The following RGS18 variants were observed in gnomAD, a reference collection of about 807,000 sequenced individuals.
The protein encoded by RGS18 is regulator of G-protein signaling 18.
RGS18 carries 22 observed loss-of-function variants against 27.6 expected under a neutral mutation model. That is an observed-to-expected ratio of 0.80 (90% CI 0.57 to 1.14). The LOEUF (loss-of-function observed/expected upper bound fraction) is 1.14, where lower values mean the gene tolerates loss of function less well. RGS18 is among the 50% of genes most tolerant of loss of function. The pLI is 0.00. For synonymous variants in RGS18, 89 were observed against 84.6 expected (o/e 1.05, Z -0.29); for missense variants, 299 against 269.6 (o/e 1.11, Z -0.76).
chr1:192,181,396 C>A lies in RGS18; in HGVS notation c.388C>A (p.Gln130Lys). Reference sequence around the variant, plus strand: ...TTTCAAGAAAAGCAAGGGACCTCAACAAATTCACCTTAAAGCAAAAGCAAT... The same window carrying A: ...TTTCAAGAAAAGCAAGGGACCTCAAAAAATTCACCTTAAAGCAAAAGCAAT... ...EDFKKSKGPQ[Q>K]IHLKAKAIYE... The change falls in exon 4 of 5, where the codon CAA (glutamine) becomes AAA (lysine). Residue 130 changes from glutamine (Q) to lysine (K), a missense_variant. By Grantham distance (53) the Gln-to-Lys change is moderately conservative. Transcript: ENST00000367460. 6.3e-7 allele frequency: 1 copy of A among 1,593,072 alleles called. No individual in the cohort carries two copies. Among genetic ancestry groups the A allele is most frequent in the Non-Finnish European group, 8.5e-7 (1 of 1,170,768 alleles).
At chr1:192,170,068 C>A (rs985430505) in intron 3 of RGS18, among the ~76,000 whole-genome samples, 1 of 152,158 alleles carries the variant, frequency 6.6e-6, no homozygotes, top group African/African-American at 2.4e-5. Flanking sequence ...GCAGAGGCTA[C>A]GGCTAACTGC....
rs144367688 is a variant in RGS18, at chr1:192,176,826, A to G, written c.284-4466A>G. On this transcript the variant is annotated intron_variant, in intron 3 of 4. Transcript: ENST00000367460. ...AGTAAGGAATACATTATATGTTTCAATAACTCATAGTGATATCCAACAGAG... is the reference window on the plus strand; with the variant it reads ...AGTAAGGAATACATTATATGTTTCAGTAACTCATAGTGATATCCAACAGAG... 2.2e-3 allele frequency among the ~76,000 whole-genome samples: 332 copies of G among 151,932 alleles called. 3 individuals are homozygous for G. Among genetic ancestry groups the G allele is most frequent in the African/African-American group, 7.3e-3 (305 of 41,530 alleles).
rs537896630 is a variant in RGS18 at position 192,184,828 on chromosome 1, T to A, written c.*274T>A. 3.0e-6 allele frequency: 1 copy of A among 333,098 alleles called. No individual in the cohort carries two copies. Among genetic ancestry groups the A allele is most frequent in the East Asian group, 5.6e-5 (1 of 17,780 alleles). The allele number at this position is 333,098 out of a possible 1,614,324, so 20.6% of individuals were successfully genotyped here. A position where few individuals can be genotyped will look rare whatever the true frequency, so the allele number is the denominator to read the frequency against. On this transcript the variant is annotated 3_prime_UTR_variant, in exon 5 of 5. Coordinates refer to ENST00000367460, the MANE Select transcript of RGS18 (RefSeq NM_130782.3). ...CAGTACAAAAAAAGTAATAATGTTT[T>A]ATAAGATTGTAGAGTTAAGTAAAAG...
intron 2 of RGS18, 50 bp downstream of exon 2, chr1:192,159,371 A>G: frequency 7.9e-7 from 1 of 1,262,768 alleles, no homozygotes; most frequent in Non-Finnish European, 1.2e-6. Context: ...TTCTATCATT[A>G]AAGATTTAAG....
chr1:192,172,886 T>TATATATATAA (rs1553229393), intron 3 of RGS18, among the ~76,000 whole-genome samples: 30 of 144,098 alleles, frequency 2.1e-4, no homozygotes, highest in African/African-American at 7.1e-4. Context: ...TATATATAAA[T>TATATATATAA]ATATATATAT....
rs1164501546 is a variant in RGS18, at chr1:192,181,448, C to T, written c.440C>T (p.Ala147Val). Reference sequence around the variant, plus strand: ...TATGAGAAATTTATACAGACTGATGCCCCAAAAGAGGTACAGTAAAGATAA... The same window carrying T: ...TATGAGAAATTTATACAGACTGATGTCCCAAAAGAGGTACAGTAAAGATAA... Reference protein sequence around the residue: ...AIYEKFIQTDAPKEVNLDFHT... With the variant: ...AIYEKFIQTDVPKEVNLDFHT... Residue 147 changes from alanine to valine, a missense_variant, in exon 4 of 5, where the codon GCC becomes GTC. Physicochemically the swap from Ala to Val is moderately conservative, Grantham distance 64. Transcript: ENST00000367460. 1.3e-6 allele frequency: 2 copies of T among 1,542,440 alleles called. No individual in the cohort carries two copies. Among genetic ancestry groups the T allele is most frequent in the East Asian group, 2.4e-5 (1 of 41,284 alleles).
At chr1:192,180,565 A>G (rs1358117129) in intron 3 of RGS18, among the ~76,000 whole-genome samples, 1 of 151,644 alleles carries the variant, frequency 6.6e-6, no homozygotes. Flanking sequence ...ACTTTAAAAT[A>G]TATATGCTAG....
Position 192,184,269 on chromosome 1 carries a change from T to C in RGS18, c.451-28T>C, listed in dbSNP as rs199607286. 2.9e-5 allele frequency: 46 copies of C among 1,594,712 alleles called. 1 individual carries two copies. The highest frequency in any genetic ancestry group is 1.7e-4 in the Middle Eastern group (1 of 5,996). On this transcript the variant is annotated intron_variant, in intron 4 of 4. Transcript: ENST00000367460. ...GTTGTTTATATAAGCATATTAACTA[T>C]AATCACACTTTTTTTCTGTTTATCC...
chr1:192,161,777 T>G (rs1656077870), intron 3 of RGS18, among the ~76,000 whole-genome samples: 1 of 152,188 alleles, frequency 6.6e-6, no homozygotes, highest in Non-Finnish European at 1.5e-5. Context: ...GCCAGGACAG[T>G]TGGGAGTGGA....
At chr1:192,160,061 T>A (rs187153329) in intron 2 of RGS18, among the ~76,000 whole-genome samples, 1 of 152,234 alleles carries the variant, frequency 6.6e-6, no homozygotes, top group Admixed American at 6.5e-5. Flanking sequence ...AACAGATAGT[T>A]GACCTGATTT....
At position 192,184,403 on chromosome 1, in the gene RGS18, A is replaced by AAGACAGT. The variant is rs1656508661; in HGVS notation, c.558_564dup (p.Tyr189ArgfsTer10). 1.2e-6 allele frequency: 2 copies of AAGACAGT among 1,611,786 alleles called. No individual in the cohort carries two copies. The highest frequency in any genetic ancestry group is 1.3e-5 in the African/African-American group (1 of 74,704). ...AGCAGAGTGTATCAGCTCATGGAAC[A>AAGACAGT]AGACAGTTATACACGTTTTCTGAAA... is the stretch of plus-strand genomic sequence containing the variant. On this transcript the variant is annotated frameshift_variant, in exon 5 of 5. Transcript: ENST00000367460. LOFTEE classifies it high-confidence loss of function.
At chr1:192,183,691 A>G (rs895232540) in intron 4 of RGS18, among the ~76,000 whole-genome samples, 1 of 151,630 alleles carries the variant, frequency 6.6e-6, no homozygotes, top group Non-Finnish European at 1.5e-5. Context: ...AAACAACCCA[A>G]TTGTTTACTA....
intron 3 of RGS18, among the ~76,000 whole-genome samples, chr1:192,176,566 A>G (rs1029649033): frequency 1.3e-5 from 2 of 151,638 alleles, no homozygotes; most frequent in Non-Finnish European, 2.9e-5. Flanking sequence ...ATTACTTTGT[A>G]ATGACCCTCC....
intron 3 of RGS18, among the ~76,000 whole-genome samples, chr1:192,161,250 G>A (rs1357006943): frequency 1.3e-5 from 2 of 152,030 alleles, no homozygotes; most frequent in African/African-American, 4.8e-5. Context: ...GTTGAGAATC[G>A]AGTATGTATT....
intron 3 of RGS18, among the ~76,000 whole-genome samples, chr1:192,161,860 T>C (rs1443640000): frequency 6.6e-6 from 1 of 152,214 alleles, no homozygotes; most frequent in Non-Finnish European, 1.5e-5. Context: ...GACATATTTT[T>C]GTTTTGTTTT....
intron 3 of RGS18, among the ~76,000 whole-genome samples, chr1:192,175,291 GATA>G (rs1277784702): frequency 2.0e-5 from 3 of 146,626 alleles, no homozygotes; most frequent in Non-Finnish European, 4.5e-5. Flanking sequence ...ACAAAATATT[GATA>G]ATAAGTCATG....
intron 3 of RGS18, among the ~76,000 whole-genome samples, chr1:192,162,278 TG>T (rs1656087068): frequency 6.6e-6 from 1 of 152,168 alleles, no homozygotes; most frequent in Non-Finnish European, 1.5e-5. Flanking sequence ...TTTTCTTTTT[TG>T]TTTTTTTGGT....
chr1:192,183,638 T>A (rs752663550), intron 4 of RGS18, among the ~76,000 whole-genome samples: 2 of 151,532 alleles, frequency 1.3e-5, no homozygotes, highest in African/African-American at 2.4e-5. Context: ...ATTCTTGCAC[T>A]GCAACAGACA....
At position 192,163,905 on chromosome 1, in the gene RGS18, T is replaced by C. The variant is rs185199546; in HGVS notation, c.283+3466T>C. Among the ~76,000 whole-genome samples the C allele has an allele frequency of 8.6e-5, 13 of 150,506 alleles. No homozygotes were observed. In the East Asian group the frequency reaches 1.7e-3, roughly 20 times the overall value. On this transcript the variant is annotated intron_variant, in intron 3 of 4. Transcript: ENST00000367460. ...TTCTTTTTTTTAAAGAGAAAGATCC[T>C]ACACACACACACACTTCAAGAAAGA...
Sources: gnomAD v4.1 joint callset for allele counts (sites outside exome capture counted in the v4.1 genomes callset) on GRCh38, gnomAD v4.1.1 for gene constraint, MANE v1.5 for transcripts, NCBI Gene and HGNC (gene_info 2026-07-23, HGNC 2026-07-21) for gene names.